The following TMEM132C variants were observed in gnomAD, a reference collection of about 807,000 sequenced individuals.
TMEM132C encodes the protein transmembrane protein 132C, also known as protein phosphatase 1, regulatory subunit 152.
In TMEM132C, 29 loss-of-function variants were observed where a neutral mutation model predicts 61.4. The ratio of observed to expected loss-of-function variants is 0.47; its 90% confidence interval spans 0.35 to 0.64. The LOEUF (loss-of-function observed/expected upper bound fraction) is 0.64, where lower values mean the gene tolerates loss of function less well. TMEM132C is among the 30% of genes least tolerant of loss of function. TMEM132C has a pLI of 0.00. For missense variants in TMEM132C, 1,408 were observed against 1,476.9 expected, an observed-to-expected ratio of 0.95 and a Z score of 0.76; for synonymous variants, 656 against 633.1, an observed-to-expected ratio of 1.04 and a Z score of -0.54.
At chr12:128,347,979 A>G (rs1011217446) in intron 1 of TMEM132C, among the ~76,000 whole-genome samples, 1 of 152,242 alleles carries the variant, frequency 6.6e-6, no homozygotes, top group South Asian at 2.1e-4. Context: ...TTCTACAAAA[A>G]GGCAGCTGGG....
At chr12:128,537,483 G>A (rs774561563) in intron 2 of TMEM132C, among the ~76,000 whole-genome samples, 5 of 152,192 alleles carry the variant, frequency 3.3e-5, no homozygotes, top group East Asian at 3.8e-4. Context: ...GAGAGGGTCC[G>A]TTCCATCTGT....
intron 1 of TMEM132C, among the ~76,000 whole-genome samples, chr12:128,306,175 G>A (rs1218446044): frequency 6.6e-6 from 1 of 151,072 alleles, no homozygotes; most frequent in East Asian, 1.9e-4. Context: ...ATTTCAGCAT[G>A]GAAAACACCT....
rs370986118 is a variant in TMEM132C, at chr12:128,324,220, TGTG to T, written c.85+56742_85+56744del. Among the ~76,000 whole-genome samples the T allele has an allele frequency of 3.4e-3, 511 of 152,276 alleles. 4 individuals carry two copies. The highest frequency in any genetic ancestry group is 0.012 in the African/African-American group (499 of 41,566). On this transcript the variant is annotated intron_variant, in intron 1 of 8. Transcript: ENST00000435159. ...TGCAAATAGAGGGTTGCTTACCAGATGTGGTGGTGGTTGAAATTAAACAGGGGA... is the reference window on the plus strand; with the variant it reads ...TGCAAATAGAGGGTTGCTTACCAGATGTGGTGGTTGAAATTAAACAGGGGA...
At chr12:128,411,263 T>G (rs1868527263) in intron 1 of TMEM132C, among the ~76,000 whole-genome samples, 1 of 152,186 alleles carries the variant, frequency 6.6e-6, no homozygotes, top group African/African-American at 2.4e-5. Flanking sequence ...TAAGATGATG[T>G]GAATCTCCTG....
intron 1 of TMEM132C, among the ~76,000 whole-genome samples, chr12:128,333,532 T>C (rs1185158143): frequency 6.6e-6 from 1 of 151,990 alleles, no homozygotes; most frequent in Non-Finnish European, 1.5e-5. Flanking sequence ...TGTGTTTATG[T>C]TTGTGAGTGT....
In TMEM132C at chr12:128,649,032, G is replaced by A. The variant is rs914256800; in HGVS notation, c.1306-20385G>A. Among the ~76,000 whole-genome samples, 3 of 144,028 alleles carry A rather than the reference G, an allele frequency of 2.1e-5. 1 individual carries two copies. The highest frequency in any genetic ancestry group is 8.9e-5 in the African/African-American group (3 of 33,788). 94.5% of individuals were successfully genotyped at this position (144,028 alleles called of 152,430 possible). On this transcript the variant is annotated intron_variant, in intron 4 of 8. Coordinates refer to ENST00000435159, the MANE Select transcript of TMEM132C (RefSeq NM_001136103.3). ...TTACTGGAGTCCATCAGCATTGGAT[G>A]TCAGTGTGTTTATTGGAGTCCATCA...
intron 3 of TMEM132C, among the ~76,000 whole-genome samples, chr12:128,601,042 G>A (rs1429658565): frequency 6.6e-6 from 1 of 152,166 alleles, no homozygotes; most frequent in African/African-American, 2.4e-5. Context: ...AAATTCAATA[G>A]CAAGCTTTGG....
intron 2 of TMEM132C, among the ~76,000 whole-genome samples, chr12:128,474,271 G>T (rs1268360835): frequency 1.3e-5 from 2 of 152,136 alleles, no homozygotes; most frequent in Non-Finnish European, 2.9e-5. Context: ...AGAGCACTTT[G>T]AGAACCTCTG....
intron 4 of TMEM132C, among the ~76,000 whole-genome samples, chr12:128,650,122 A>G (rs1954253261): frequency 6.6e-6 from 1 of 152,132 alleles, no homozygotes; most frequent in African/African-American, 2.4e-5. Flanking sequence ...TACTATTGTG[A>G]GTCTATGTTC....
At chr12:128,627,459 T>C (rs1267821059) in intron 4 of TMEM132C, among the ~76,000 whole-genome samples, 1 of 152,220 alleles carries the variant, frequency 6.6e-6, no homozygotes, top group African/African-American at 2.4e-5. Flanking sequence ...CAGTCTGGAA[T>C]GCTGGCTCCC....
chr12:128,471,362 G>A (rs564811745), intron 2 of TMEM132C, among the ~76,000 whole-genome samples: 83 of 152,202 alleles, frequency 5.5e-4, no homozygotes, highest in Non-Finnish European at 7.9e-4. Context: ...TTAATTTAGG[G>A]AGGTGGAAGC....
chr12:128,606,417 G>A (rs572996287), intron 3 of TMEM132C, among the ~76,000 whole-genome samples: 12 of 152,282 alleles, frequency 7.9e-5, no homozygotes, highest in East Asian at 5.8e-4. Context: ...TAAGGGCTTC[G>A]TTTCATCCAT....
chr12:128,655,033 G>A (rs775589123), intron 4 of TMEM132C, among the ~76,000 whole-genome samples: 6 of 152,144 alleles, frequency 3.9e-5, no homozygotes, highest in African/African-American at 9.7e-5. Context: ...TGTTAGTGTT[G>A]TCATCAGCAA....
At chr12:128,535,947 T>A (rs150496649) in intron 2 of TMEM132C, among the ~76,000 whole-genome samples, 8,095 of 151,098 alleles carry the variant, frequency 0.054, 296 homozygotes, top group Non-Finnish European at 0.084. Context: ...TTGGTGGGAG[T>A]GTAAATTAGT....
intron 1 of TMEM132C, among the ~76,000 whole-genome samples, chr12:128,277,029 C>G (rs181834949): frequency 1.6e-4 from 24 of 152,226 alleles, no homozygotes; most frequent in Non-Finnish European, 3.4e-4. Context: ...ACAAGGTATT[C>G]CTGAAAATGT....
intron 3 of TMEM132C, among the ~76,000 whole-genome samples, chr12:128,609,014 G>GT (rs928447317): frequency 5.3e-5 from 8 of 151,992 alleles, no homozygotes; most frequent in African/African-American, 1.5e-4. Context: ...TGGGTTTTTA[G>GT]TTTTTTTATT....
chr12:128,640,134 C>T (rs1209049611), intron 4 of TMEM132C, among the ~76,000 whole-genome samples: 1 of 152,202 alleles, frequency 6.6e-6, no homozygotes, highest in Non-Finnish European at 1.5e-5. Flanking sequence ...AAGTCCATTT[C>T]ACCTCCTTGC....
chr12:128,644,437 C>T (rs1013327153), intron 4 of TMEM132C, among the ~76,000 whole-genome samples: 3 of 152,064 alleles, frequency 2.0e-5, no homozygotes, highest in African/African-American at 7.2e-5. Flanking sequence ...AAAAATAAAT[C>T]AAATACATGA....
chr12:128,665,186 C>CAG (rs1954445936), intron 4 of TMEM132C, among the ~76,000 whole-genome samples: 1 of 150,282 alleles, frequency 6.7e-6, no homozygotes, highest in African/African-American at 2.5e-5. Flanking sequence ...CACACACACA[C>CAG]AGGCACATGC....
Sources: allele counts gnomAD v4.1 joint callset (sites outside exome capture counted in the v4.1 genomes callset), GRCh38; gene constraint gnomAD v4.1.1; transcripts MANE v1.5; gene names NCBI Gene and HGNC (gene_info 2026-07-23, HGNC 2026-07-21).